The following RHBDL3 variants were observed in gnomAD, a reference collection of about 807,000 sequenced individuals.
The protein encoded by RHBDL3 is rhomboid like 3.
In RHBDL3, 28 loss-of-function variants were observed where a neutral mutation model predicts 48.2. The observed-to-expected ratio is 0.58, with a 90% CI of 0.43 to 0.80. The LOEUF is 0.80. RHBDL3 is among the 30% of genes least tolerant of loss of function. The pLI is 0.00. For synonymous variants in RHBDL3, 208 were observed against 232.3 expected, an observed-to-expected ratio of 0.90 and a Z score of 0.95; for missense variants, 464 against 542.7, an observed-to-expected ratio of 0.85 and a Z score of 1.44.
At chr17:32,275,055 C>G (rs2039863879) in intron 2 of RHBDL3, among the ~76,000 whole-genome samples, 1 of 152,192 alleles carries the variant, frequency 6.6e-6, no homozygotes, top group South Asian at 2.1e-4. Context: ...TCTGTTGGCT[C>G]TCTCTCCTCT....
intron 2 of RHBDL3, among the ~76,000 whole-genome samples, chr17:32,269,192 T>TA (rs1465739520): frequency 6.6e-6 from 1 of 151,784 alleles, no homozygotes; most frequent in African/African-American, 2.4e-5. Flanking sequence ...TACAAAAAAT[T>TA]AAAAAATCAG....
intron 7 of RHBDL3, among the ~76,000 whole-genome samples, chr17:32,312,639 T>G (rs921543731): frequency 2.0e-5 from 3 of 151,972 alleles, no homozygotes; most frequent in Non-Finnish European, 2.9e-5. Context: ...TGCCTCAGCC[T>G]CCAGAGTAGC....
chr17:32,321,021 C>T lies in RHBDL3; in HGVS notation c.1007C>T (p.Pro336Leu). The T allele has an allele frequency of 1.2e-6, 2 of 1,614,236 alleles. No individual in the cohort carries two copies. The highest frequency in any genetic ancestry group is 1.7e-6 in the Non-Finnish European group (2 of 1,180,040). ...CACCCGTCGGCCTATCCCCCGTGCC[C>T]TCACCCAAGCTTTGTGGCGCACTTG... ...RFHPSAYPPC[P>L]HPSFVAHLGG... Residue 336 changes from proline to leucine, a missense_variant, in exon 9 of 9, where the codon CCT becomes CTT. Transcript: ENST00000269051.
chr17:32,267,006 G>C (rs1046695883), intron 1 of RHBDL3, among the ~76,000 whole-genome samples: 1 of 152,060 alleles, frequency 6.6e-6, no homozygotes, highest in Non-Finnish European at 1.5e-5. Context: ...CCTGCGGGCC[G>C]GCCCTGCGAA....
intron 4 of RHBDL3, among the ~76,000 whole-genome samples, chr17:32,291,021 A>G (rs1364176044): frequency 6.7e-6 from 1 of 149,740 alleles, no homozygotes; most frequent in Non-Finnish European, 1.5e-5. Context: ...AAAAAAAAAA[A>G]GGAAAAGAAA....
chr17:32,315,536 C>G (rs1369987895), intron 7 of RHBDL3, among the ~76,000 whole-genome samples: 1 of 152,182 alleles, frequency 6.6e-6, no homozygotes, highest in African/African-American at 2.4e-5. Context: ...TCTCCAGTAT[C>G]TGATTCTCCT....
At position 32,320,942 on chromosome 17, in the gene RHBDL3, C is replaced by T. The variant is rs763505339; in HGVS notation, c.944-16C>T. 6.2e-7 allele frequency: 1 copy of T among 1,601,992 alleles called. No homozygotes were observed. The highest frequency in any genetic ancestry group is 8.5e-7 in the Non-Finnish European group (1 of 1,172,018). On this transcript the variant is annotated splice_polypyrimidine_tract_variant and intron_variant, in intron 8 of 8. Coordinates refer to ENST00000269051, the MANE Select transcript of RHBDL3 (RefSeq NM_138328.3). ...AGGGCCCTCCTGTGACATCTCTCTG[C>T]TTCCTCCCCTTGCAGTGAGCATGGA...
chr17:32,282,527 C>T lies in RHBDL3; in HGVS notation c.136-2132C>T, dbSNP rs9890477. Among the ~76,000 whole-genome samples the T allele has an allele frequency of 6.6e-3, 1,002 of 152,298 alleles. 15 individuals carry two copies. Among genetic ancestry groups the T allele is most frequent in the African/African-American group, 0.022 (925 of 41,556 alleles). Reference sequence around the variant, plus strand: ...GCTTCAGTGAGCTATGATGGCACCACTTCACCCCAGCCTGGGTGACAAGAG... The same window carrying T: ...GCTTCAGTGAGCTATGATGGCACCATTTCACCCCAGCCTGGGTGACAAGAG... On this transcript the variant is annotated intron_variant, in intron 2 of 8. Coordinates refer to ENST00000269051, the MANE Select transcript of RHBDL3 (RefSeq NM_138328.3).
intron 1 of RHBDL3, among the ~76,000 whole-genome samples, chr17:32,266,591 G>A (rs1337193527): frequency 6.6e-6 from 1 of 152,152 alleles, no homozygotes; most frequent in Non-Finnish European, 1.5e-5. Flanking sequence ...TGCAGTGCCC[G>A]GGACACGGCG....
intron 6 of RHBDL3, among the ~76,000 whole-genome samples, chr17:32,299,540 A>G (rs1343196184): frequency 6.6e-6 from 1 of 152,244 alleles, no homozygotes; most frequent in Non-Finnish European, 1.5e-5. Flanking sequence ...CCATACCTCA[A>G]TACCCAGAGA....
intron 4 of RHBDL3, among the ~76,000 whole-genome samples, chr17:32,291,771 CTT>C (rs36113178): frequency 0.024 from 3,121 of 131,166 alleles, 104 homozygotes; most frequent in African/African-American, 0.074. Flanking sequence ...TGAGATATTC[CTT>C]TTTTTTTTTT....
chr17:32,270,203 A>C (rs1003113997), intron 2 of RHBDL3, among the ~76,000 whole-genome samples: 1 of 151,336 alleles, frequency 6.6e-6, no homozygotes, highest in Non-Finnish European at 1.5e-5. Flanking sequence ...TGGATGGGAC[A>C]TGACACCTCT....
chr17:32,314,741 G>C (rs2040930108), intron 7 of RHBDL3, among the ~76,000 whole-genome samples: 1 of 152,160 alleles, frequency 6.6e-6, no homozygotes, highest in Non-Finnish European at 1.5e-5. Flanking sequence ...CTTGAAGAGG[G>C]GGCTGCGGTG....
In RHBDL3 at chr17:32,278,191, G is replaced by A. The variant is rs543034880; in HGVS notation, c.136-6468G>A. 6.6e-5 allele frequency among the ~76,000 whole-genome samples: 10 copies of A among 152,248 alleles called. No individual in the cohort carries two copies. In the East Asian group the frequency reaches 1.4e-3, roughly 21 times the overall value. ...GTGGGTGCTGTAGTCCCAGCTACTCGGGAGGCTGAGGCAGGAAAATTGCTT... is the reference window on the plus strand; with the variant it reads ...GTGGGTGCTGTAGTCCCAGCTACTCAGGAGGCTGAGGCAGGAAAATTGCTT... On this transcript the variant is annotated intron_variant, in intron 2 of 8. Coordinates refer to ENST00000269051, the MANE Select transcript of RHBDL3 (RefSeq NM_138328.3).
chr17:32,290,219 C>G (rs867372012), intron 4 of RHBDL3, among the ~76,000 whole-genome samples: 9 of 152,162 alleles, frequency 5.9e-5, no homozygotes, highest in Non-Finnish European at 1.3e-4. Context: ...TAACCCAACA[C>G]GAATTATAGC....
At chr17:32,320,894 G>C (rs965527067) in intron 8 of RHBDL3, 64 bp from the exon 9 acceptor site, 2 of 1,183,996 alleles carry the variant, frequency 1.7e-6, no homozygotes, top group African/African-American at 3.0e-5. Flanking sequence ...GGGTGATGAA[G>C]TGAAGGCCCT....
intron 2 of RHBDL3, among the ~76,000 whole-genome samples, chr17:32,269,689 C>T (rs2039725231): frequency 6.6e-6 from 1 of 152,270 alleles, no homozygotes; most frequent in Non-Finnish European, 1.5e-5. Flanking sequence ...TACCACCAAG[C>T]TGCCAGCCCT....
At chr17:32,303,989 T>C (rs2040649565) in intron 6 of RHBDL3, among the ~76,000 whole-genome samples, 2 of 152,208 alleles carry the variant, frequency 1.3e-5, no homozygotes, top group Non-Finnish European at 2.9e-5. Flanking sequence ...GCCAGCCACC[T>C]CTCATCCTCT....
chr17:32,318,957 C>T (rs1298705429), intron 8 of RHBDL3, among the ~76,000 whole-genome samples: 2 of 152,126 alleles, frequency 1.3e-5, no homozygotes, highest in Non-Finnish European at 2.9e-5. Flanking sequence ...GCTGGAGAAT[C>T]TCTCATCCCA....
Sources: gnomAD v4.1 joint callset for allele counts (sites outside exome capture counted in the v4.1 genomes callset) on GRCh38, gnomAD v4.1.1 for gene constraint, MANE v1.5 for transcripts, NCBI Gene and HGNC (gene_info 2026-07-23, HGNC 2026-07-21) for gene names.